PDE6C: variants seen among roughly 807,000 people sequenced by gnomAD.
PDE6C encodes cone cGMP-specific 3',5'-cyclic phosphodiesterase subunit alpha'.
In PDE6C, 75 loss-of-function variants were observed where a neutral mutation model predicts 113.1. That is an observed-to-expected ratio of 0.66 (90% CI 0.55 to 0.80). The LOEUF is 0.80. Among genes scored for constraint, PDE6C ranks in the 30% least tolerant of loss-of-function variants. The probability of loss-of-function intolerance (pLI) is 0.00; values close to 1 mark genes in which losing one functional copy is unlikely to be tolerated. For synonymous variants in PDE6C, 375 were observed against 363.7 expected (o/e 1.03, Z -0.35); for missense variants, 912 against 1,038.6 (o/e 0.88, Z 1.67).
chr10:93,633,481 TAAAAAAAAA>T (rs1564799377), intron 8 of PDE6C, among the ~76,000 whole-genome samples: 3 of 135,710 alleles, frequency 2.2e-5, no homozygotes, highest in East Asian at 4.3e-4. Flanking sequence ...AAAAAAAAAA[TAAAAAAAAA>T]TAAACAAGCT....
At chr10:93,651,684 A>G (rs920519388) in intron 15 of PDE6C, among the ~76,000 whole-genome samples, 9 of 152,194 alleles carry the variant, frequency 5.9e-5, no homozygotes, top group African/African-American at 1.9e-4. Context: ...TAAAGCTCAC[A>G]CTGAGCAAAG....
In PDE6C at chr10:93,634,765, C is replaced by T; in HGVS notation, c.1127C>T (p.Pro376Leu). Residue 376 changes from proline to leucine, a missense_variant, in exon 9 of 22, where the codon CCT (proline) becomes CTT (leucine). Transcript: ENST00000371447. ...ADEYFTFQKG[P>L]VDETGWVIKN... ...GTCCCTTCTCGTTTGTAGAAAGGAC[C>T]TGTAGACGAAACTGGTTGGGTCATT... is the stretch of plus-strand genomic sequence containing the variant. The T allele has an allele frequency of 6.2e-7, 1 of 1,614,058 alleles. No individual in the cohort carries two copies. Among genetic ancestry groups the T allele is most frequent in the African/African-American group, 1.3e-5 (1 of 75,020 alleles).
intron 1 of PDE6C, 88 bp from the exon 2 acceptor site, chr10:93,620,544 A>G: frequency 7.4e-7 from 1 of 1,360,316 alleles, no homozygotes; most frequent in Non-Finnish European, 1.1e-6. Context: ...GTAGCATTTA[A>G]ATGAGAGAGA....
At position 93,620,755 on chromosome 10, in the gene PDE6C, G is replaced by T. The variant is rs1461980387; in HGVS notation, c.604G>T (p.Ala202Ser). The change falls in exon 2 of 22, where the codon GCA becomes TCA. Residue 202 changes from alanine (A) to serine (S), a missense_variant. Physicochemically the swap from Ala to Ser is moderately conservative, Grantham distance 99 (BLOSUM62 1). Coordinates refer to ENST00000371447, the MANE Select transcript of PDE6C (RefSeq NM_006204.4). ...GATCATGGCAGTTAACAAAGTAAAT[G>T]CATCTGAATTTTCCAAACAGGATGA... The part of the protein sequence containing the change: ...AVIMAVNKVN[A>S]SEFSKQDEEV... 1.2e-6 allele frequency: 2 copies of T among 1,614,044 alleles called. No individual in the cohort carries two copies. The highest frequency in any genetic ancestry group is 1.7e-6 in the Non-Finnish European group (2 of 1,180,022).
intron 11 of PDE6C, 140 bp from the exon 12 acceptor site, chr10:93,639,930 G>C: frequency 1.2e-6 from 1 of 853,000 alleles, no homozygotes; most frequent in Non-Finnish European, 2.0e-6. Context: ...GCATCATCCA[G>C]TGCCTGGCAC....
intron 1 of PDE6C, among the ~76,000 whole-genome samples, chr10:93,620,156 G>A (rs2058438374): frequency 1.3e-5 from 2 of 152,216 alleles, no homozygotes; most frequent in South Asian, 2.1e-4. Flanking sequence ...AAGGAACTGG[G>A]GGCAATGATA....
rs376610572 is a variant in PDE6C at position 93,656,128 on chromosome 10, G to A, written c.2036+268G>A. Among the ~76,000 whole-genome samples the A allele has an allele frequency of 6.6e-5, 10 of 152,120 alleles. No homozygotes were observed. The East Asian group carries it at 9.6e-4, about 15-fold the overall frequency. On this transcript the variant is annotated intron_variant, in intron 16 of 21. Transcript: ENST00000371447. ...CCTAATATTAAGTAGGTTGCTCTCC[G>A]AACAGGTTTGAATTGCAGAATGTGC... is the stretch of plus-strand genomic sequence containing the variant.
intron 8 of PDE6C, among the ~76,000 whole-genome samples, chr10:93,634,373 G>A (rs1270308662): frequency 2.0e-5 from 3 of 152,114 alleles, no homozygotes; most frequent in Non-Finnish European, 4.4e-5. Context: ...TAGAAGGGAG[G>A]AGTACAGGAC....
chr10:93,662,484 A>AAATT, intron 19 of PDE6C, 76 bp from the exon 20 acceptor site: 4 of 593,262 alleles, frequency 6.7e-6, no homozygotes, highest in Non-Finnish European at 6.2e-6. Context: ...AAAAAAAAAA[A>AAATT]GTTATCAGGA....
intron 14 of PDE6C, among the ~76,000 whole-genome samples, chr10:93,642,788 A>G (rs568900064): frequency 6.0e-4 from 91 of 152,358 alleles, no homozygotes; most frequent in African/African-American, 1.9e-3. Context: ...TCACATATAT[A>G]ATTTCATTGA....
At chr10:93,660,198 C>A (rs370988471) in intron 18 of PDE6C, among the ~76,000 whole-genome samples, 1 of 152,066 alleles carries the variant, frequency 6.6e-6, no homozygotes, top group Non-Finnish European at 1.5e-5. Flanking sequence ...ATGACTGAGG[C>A]CCCTATAACA....
chr10:93,620,816 C>T, intron 2 of PDE6C, 32 bp downstream of exon 2: 1 of 1,613,884 alleles, frequency 6.2e-7, no homozygotes, highest in Non-Finnish European at 8.5e-7. Context: ...TGGTTGGAGG[C>T]TCAGGAAATT....
chr10:93,657,547 T>C (rs1342179018), intron 16 of PDE6C, among the ~76,000 whole-genome samples: 1 of 152,110 alleles, frequency 6.6e-6, no homozygotes, highest in Admixed American at 6.6e-5. Context: ...TTTCTGCAAC[T>C]TGCTTTATTC....
At chr10:93,630,974 C>G (rs945591339) in intron 8 of PDE6C, among the ~76,000 whole-genome samples, 1 of 152,192 alleles carries the variant, frequency 6.6e-6, no homozygotes, top group Non-Finnish European at 1.5e-5. Flanking sequence ...AGCAAAAGGG[C>G]GACAATGATT....
chr10:93,620,847 A>G (rs779631774), intron 2 of PDE6C, 44 bp from the exon 3 acceptor site: 23 of 1,612,884 alleles, frequency 1.4e-5, no homozygotes, highest in Non-Finnish European at 2.0e-5. Context: ...ATAACCAAAG[A>G]AAAGATGTCA....
rs1182604670 is a variant in PDE6C at position 93,635,631 on chromosome 10, G to A, written c.1404G>A (p.Lys468=). 1.2e-6 allele frequency: 2 copies of A among 1,613,866 alleles called. No homozygotes were observed. The highest frequency in any genetic ancestry group is 1.1e-5 in the South Asian group (1 of 91,072). The change falls in exon 10 of 22, where the codon AAG becomes AAA. Residue 468 remains lysine (K), a synonymous_variant. Coordinates refer to ENST00000371447, the MANE Select transcript of PDE6C (RefSeq NM_006204.4). ...NQTKATPEEI[K]SILKFQEKLN... is the part of the protein sequence containing the mutation. ...CCAAAGCCACTCCTGAAGAAATTAA[G>A]TCCATTTTGGTAAGTGGGAAATTCA...
Position 93,640,546 on chromosome 10 carries a change from A to C in PDE6C, c.1726A>C (p.Thr576Pro). 1 of 1,610,206 alleles carries C rather than the reference A, an allele frequency of 6.2e-7. No individual in the cohort carries two copies. Among genetic ancestry groups the C allele is most frequent in the South Asian group, 1.1e-5 (1 of 91,022 alleles). The change falls in exon 13 of 22, where the codon ACT becomes CCT. Residue 576 changes from threonine (T) to proline (P), a missense_variant. By Grantham distance (38) the Thr-to-Pro change is conservative. Transcript: ENST00000371447. Reference protein sequence around the residue: ...HGFNVGQTMFTLLMTGRLKKY... With the variant: ...HGFNVGQTMFPLLMTGRLKKY... ...GTTCAACGTGGGGCAGACCATGTTT[A>C]CTTTGCTGATGGTAGGTACAGAGGG...
Position 93,640,180 on chromosome 10 carries a change from A to G in PDE6C, c.1593A>G (p.Glu531=), listed in dbSNP as rs574683046. ...AATGTGGAATACGACTGTTTTTTGAAATAAATGTGGTGGAGAAATTCAAAG... is the reference window on the plus strand; with the variant it reads ...AATGTGGAATACGACTGTTTTTTGAGATAAATGTGGTGGAGAAATTCAAAG... ...LIKCGIRLFF[E]INVVEKFKVP... Residue 531 remains glutamate (E), a synonymous_variant, in exon 12 of 22, where the codon GAA becomes GAG. Coordinates refer to ENST00000371447, the MANE Select transcript of PDE6C (RefSeq NM_006204.4). The G allele has an allele frequency of 6.2e-7, 1 of 1,613,720 alleles. No homozygotes were observed. The highest frequency in any genetic ancestry group is 1.1e-5 in the South Asian group (1 of 91,056).
chr10:93,654,859 G>A (rs2058629242), intron 15 of PDE6C, among the ~76,000 whole-genome samples: 1 of 142,428 alleles, frequency 7.0e-6, no homozygotes, highest in South Asian at 2.2e-4. Flanking sequence ...CCAAGCTGGA[G>A]TGCAATGGCA....
Sources: gnomAD v4.1 joint callset for allele counts (sites outside exome capture counted in the v4.1 genomes callset) on GRCh38, gnomAD v4.1.1 for gene constraint, MANE v1.5 for transcripts, NCBI Gene and HGNC (gene_info 2026-07-23, HGNC 2026-07-21) for gene names.